Variants in MALT1 observed in about 807,000 individuals in gnomAD.
MALT1 encodes the protein mucosa-associated lymphoid tissue lymphoma translocation protein 1.
Under a neutral mutation model 85.5 loss-of-function variants are expected in MALT1, and 36 were observed. That is an observed-to-expected ratio of 0.42 (90% CI 0.32 to 0.56). MALT1 has a LOEUF of 0.56. MALT1 is among the 20% of genes least tolerant of loss of function. The pLI is 0.10. For synonymous variants in MALT1, 359 were observed against 361.3 expected (o/e 0.99, Z 0.07); for missense variants, 716 against 981.6 (o/e 0.73, Z 3.62).
chr18:58,725,626 T>C lies in MALT1; in HGVS notation c.1222+2375T>C, dbSNP rs540332888. Among the ~76,000 whole-genome samples, 3 of 152,322 alleles carry C rather than the reference T, an allele frequency of 2.0e-5. No individual in the cohort carries two copies. In the East Asian group the frequency reaches 5.8e-4, roughly 29 times the overall value. On this transcript the variant is annotated intron_variant, in intron 10 of 16. Transcript: ENST00000649217. ...AGTGATGAGGTGTAAGGAAAAAATA[T>C]TGATCAGTTTAGGTTTCTGTATTGG...
intron 9 of MALT1, among the ~76,000 whole-genome samples, chr18:58,722,258 G>A (rs1191610523): frequency 1.3e-5 from 2 of 151,916 alleles, no homozygotes; most frequent in Non-Finnish European, 2.9e-5. Context: ...GTTTTAGATG[G>A]GCTGCACACC....
chr18:58,752,792 G>GT lies in MALT1; in HGVS notation c.*4950_*4951insT. On this transcript the variant is annotated 3_prime_UTR_variant, in exon 17 of 17. Coordinates refer to ENST00000649217, the MANE Select transcript of MALT1 (RefSeq NM_006785.4). ...TCCAGCCTGGACGACAGGGCAAGAC[G>GT]CTGTCTCAAAAATAAAATATTAGTA... 3 of 152,142 alleles carry GT rather than the reference G, an allele frequency of 2.0e-5. 1 individual carries two copies. Among genetic ancestry groups the GT allele is most frequent in the Admixed American group, 2.0e-4 (3 of 15,282 alleles). The allele number at this position is 152,142 out of a possible 1,614,324, so 9.4% of individuals were successfully genotyped here.
At chr18:58,734,458 G>T in intron 12 of MALT1, 77 bp downstream of exon 12, 1 of 1,131,600 alleles carries the variant, frequency 8.8e-7, no homozygotes, top group Non-Finnish European at 1.3e-6. Flanking sequence ...TAGGAGCAGG[G>T]GTCTTAACTC....
intron 2 of MALT1, among the ~76,000 whole-genome samples, chr18:58,688,442 C>T (rs900897933): frequency 5.6e-5 from 8 of 142,112 alleles, no homozygotes; most frequent in Admixed American, 1.6e-4. Flanking sequence ...AATCCCAACA[C>T]TTTGGGAGGC....
intron 7 of MALT1, among the ~76,000 whole-genome samples, chr18:58,711,373 T>C (rs2144392604): frequency 6.6e-6 from 1 of 152,364 alleles, no homozygotes; most frequent in Non-Finnish European, 1.5e-5. Flanking sequence ...TGAAATTTAG[T>C]TTTTATAAAA....
intron 13 of MALT1, among the ~76,000 whole-genome samples, chr18:58,737,064 G>A (rs2055231698): frequency 6.6e-6 from 1 of 152,148 alleles, no homozygotes; most frequent in Non-Finnish European, 1.5e-5. Flanking sequence ...TCCATGGCTG[G>A]GCATGGTGGC....
chr18:58,747,228 A>ATGAT (rs2055380121), intron 16 of MALT1, among the ~76,000 whole-genome samples, 177 bp from the exon 17 acceptor site: 1 of 152,188 alleles, frequency 6.6e-6, no homozygotes, highest in Non-Finnish European at 1.5e-5. Flanking sequence ...AAGGAAGATA[A>ATGAT]TGATAGCTGG....
At chr18:58,701,127 G>A (rs756680688) in intron 4 of MALT1, among the ~76,000 whole-genome samples, 1 of 137,518 alleles carries the variant, frequency 7.3e-6, no homozygotes, top group Non-Finnish European at 1.7e-5. Flanking sequence ...GTGCGCGCAC[G>A]TTCACACATG....
intron 1 of MALT1, among the ~76,000 whole-genome samples, chr18:58,673,473 G>A (rs920812111): frequency 1.2e-4 from 18 of 149,676 alleles, no homozygotes; most frequent in African/African-American, 4.4e-4. Flanking sequence ...TTTTTTTTCC[G>A]AGATGGAGTC....
chr18:58,692,640 T>C (rs2144342326), intron 2 of MALT1, among the ~76,000 whole-genome samples: 1 of 152,242 alleles, frequency 6.6e-6, no homozygotes, highest in Middle Eastern at 3.4e-3. Context: ...AACCCTACAG[T>C]GATCTCTAAG....
chr18:58,694,246 G>A (rs538628642), intron 2 of MALT1, among the ~76,000 whole-genome samples: 4 of 152,308 alleles, frequency 2.6e-5, no homozygotes, highest in African/African-American at 9.6e-5. Context: ...GCCCTCAAAT[G>A]TGCTAGGTAT....
chr18:58,691,859 C>CGA (rs764604092), intron 2 of MALT1, among the ~76,000 whole-genome samples: 6 of 145,240 alleles, frequency 4.1e-5, no homozygotes, highest in Non-Finnish European at 6.0e-5. Flanking sequence ...GGTGACAGAG[C>CGA]GAGACTCCGT....
intron 10 of MALT1, among the ~76,000 whole-genome samples, chr18:58,724,499 C>T (rs993388633): frequency 5.3e-5 from 8 of 152,084 alleles, no homozygotes; most frequent in African/African-American, 1.7e-4. Flanking sequence ...ATATACAATG[C>T]AAATATGCCA....
chr18:58,725,217 G>T (rs1257751118), intron 10 of MALT1, among the ~76,000 whole-genome samples: 2 of 152,018 alleles, frequency 1.3e-5, no homozygotes, highest in Non-Finnish European at 2.9e-5. Flanking sequence ...AGCTACTCAA[G>T]AGGCTGAGAC....
intron 9 of MALT1, 94 bp from the exon 10 acceptor site, chr18:58,722,954 C>A (rs1602322835): frequency 1.3e-6 from 1 of 784,198 alleles, no homozygotes; most frequent in Non-Finnish European, 2.0e-6. Flanking sequence ...ATAATGCAAT[C>A]TTAAAGCATA....
intron 11 of MALT1, 177 bp downstream of exon 11, chr18:58,733,751 T>A: frequency 1.4e-6 from 1 of 738,298 alleles, no homozygotes; most frequent in Non-Finnish European, 2.1e-6. Flanking sequence ...CTAATTATTT[T>A]AACTCTTCAT....
chr18:58,675,925 T>C (rs1372851324), intron 1 of MALT1, among the ~76,000 whole-genome samples: 3 of 152,234 alleles, frequency 2.0e-5, no homozygotes, highest in Admixed American at 6.5e-5. Context: ...TATAAACCTC[T>C]TTCTTTCAGT....
chr18:58,731,779 C>CAT (rs75324675), intron 10 of MALT1, among the ~76,000 whole-genome samples: 20,134 of 152,072 alleles, frequency 0.13, 2,414 homozygotes, highest in African/African-American at 0.32. Context: ...ACGTGTGAAT[C>CAT]GTGTGAATTC....
At chr18:58,696,255 G>A (rs1241981000) in intron 2 of MALT1, 111 bp from the exon 3 acceptor site, 1 of 872,032 alleles carries the variant, frequency 1.1e-6, no homozygotes, top group East Asian at 3.2e-5. Flanking sequence ...TTATGACAAA[G>A]ATAAATATGC....
Sources: gnomAD v4.1 joint callset for allele counts (sites outside exome capture counted in the v4.1 genomes callset) on GRCh38, gnomAD v4.1.1 for gene constraint, MANE v1.5 for transcripts, NCBI Gene and HGNC (gene_info 2026-07-23, HGNC 2026-07-21) for gene names.